The following SGCD variants were observed in gnomAD, a reference collection of about 807,000 sequenced individuals.
SGCD encodes the protein sarcoglycan delta.
SGCD carries 18 observed loss-of-function variants against 36.6 expected under a neutral mutation model. The ratio of observed to expected loss-of-function variants is 0.49; its 90% CI spans 0.34 to 0.73. The LOEUF (loss-of-function observed/expected upper bound fraction) is 0.73. Among genes scored for constraint, SGCD ranks in the 30% least tolerant of loss-of-function variants. SGCD has a pLI of 0.01. For synonymous variants in SGCD, 133 were observed against 130.6 expected (o/e 1.02, Z -0.12); for missense variants, 387 against 346.7 (o/e 1.12, Z -0.92).
intron 3 of SGCD, among the ~76,000 whole-genome samples, chr5:156,503,301 G>C (rs1320404147): frequency 2.0e-5 from 3 of 152,068 alleles, no homozygotes; most frequent in African/African-American, 7.2e-5. Flanking sequence ...TACACACAGT[G>C]GGCTCTCCAA....
At chr5:155,757,159 G>A in the SGCD span, among the ~76,000 whole-genome samples, 1 of 152,174 alleles carries the variant, frequency 6.6e-6, no homozygotes, top group African/African-American at 2.4e-5. Flanking sequence ...GCTCGTCTTG[G>A]AAACTTGCAT....
At chr5:156,735,129 T>C (rs1756284413) in intron 7 of SGCD, among the ~76,000 whole-genome samples, 1 of 152,220 alleles carries the variant, frequency 6.6e-6, no homozygotes, top group Admixed American at 6.5e-5. Context: ...CCTGGAGGTA[T>C]CACCAGTGAA....
the SGCD span, among the ~76,000 whole-genome samples, chr5:155,733,400 A>G: frequency 9.2e-5 from 14 of 152,200 alleles, 1 homozygote; most frequent in Non-Finnish European, 1.8e-4. Context: ...GGTACCAGAC[A>G]TCTTGTCCAG....
At chr5:155,769,854 G>T in the SGCD span, among the ~76,000 whole-genome samples, 1 of 151,974 alleles carries the variant, frequency 6.6e-6, no homozygotes, top group Non-Finnish European at 1.5e-5. Flanking sequence ...CTTTTTGTTA[G>T]CCCTCAAGAG....
intron 1 of SGCD, among the ~76,000 whole-genome samples, chr5:156,087,401 G>C (rs901400776): frequency 2.0e-5 from 3 of 152,082 alleles, no homozygotes; most frequent in Non-Finnish European, 4.4e-5. Flanking sequence ...CACTTTGGGA[G>C]GCTGAGGCGG....
At chr5:156,357,552 C>T (rs770837668) in intron 3 of SGCD, among the ~76,000 whole-genome samples, 3 of 152,062 alleles carry the variant, frequency 2.0e-5, no homozygotes, top group South Asian at 2.1e-4. Flanking sequence ...TCGACTCAAG[C>T]GGTTTTATTC....
intron 3 of SGCD, among the ~76,000 whole-genome samples, chr5:156,134,259 G>A (rs1762400024): frequency 6.6e-6 from 1 of 152,042 alleles, no homozygotes; most frequent in Admixed American, 6.5e-5. Context: ...GTCAATCTAT[G>A]CCCATCTCAT....
intron 1 of SGCD, among the ~76,000 whole-genome samples, chr5:155,983,794 T>A (rs1406759576): frequency 2.0e-5 from 3 of 152,246 alleles, no homozygotes; most frequent in Admixed American, 6.5e-5. Flanking sequence ...AGTCAAAGAA[T>A]AGCCCATGTG....
intron 6 of SGCD, among the ~76,000 whole-genome samples, chr5:156,617,019 T>C (rs1234212348): frequency 6.6e-6 from 1 of 152,238 alleles, no homozygotes; most frequent in Non-Finnish European, 1.5e-5. Flanking sequence ...CATTCTGCTG[T>C]ATTCTTCTTC....
intron 1 of SGCD, among the ~76,000 whole-genome samples, chr5:156,032,192 A>T (rs989578165): frequency 6.6e-6 from 1 of 151,968 alleles, no homozygotes; most frequent in Non-Finnish European, 1.5e-5. Context: ...CAATAAACAT[A>T]CTTCTACAAT....
intron 3 of SGCD, among the ~76,000 whole-genome samples, chr5:156,134,752 A>T (rs984786276): frequency 2.6e-5 from 4 of 151,928 alleles, no homozygotes; most frequent in African/African-American, 9.7e-5. Context: ...ATAAATGATG[A>T]GTTAATGGGT....
rs1759909897 is a variant in SGCD, at chr5:156,051,304, A to G, written c.-281-66574A>G. 1.4e-5 allele frequency among the ~76,000 whole-genome samples: 2 copies of G among 146,260 alleles called. 1 individual carries two copies. The highest frequency in any genetic ancestry group is 4.3e-4 in the South Asian group (2 of 4,646). On this transcript the variant is annotated intron_variant, in intron 1 of 9. Transcript: ENST00000517913. Reference sequence around the variant, plus strand: ...CTCAAATTTAGCTTACTAAATTTCCAAAGTGACACTGCATTTCTCTTCTTC... The same window carrying G: ...CTCAAATTTAGCTTACTAAATTTCCGAAGTGACACTGCATTTCTCTTCTTC...
intron 3 of SGCD, among the ~76,000 whole-genome samples, chr5:156,424,636 A>G (rs1219421345): frequency 6.6e-6 from 1 of 152,084 alleles, no homozygotes; most frequent in East Asian, 1.9e-4. Flanking sequence ...TTTGCTAGGT[A>G]GTATGCTAGG....
chr5:155,864,103 C>T, the SGCD span, among the ~76,000 whole-genome samples: 1 of 152,094 alleles, frequency 6.6e-6, no homozygotes, highest in Non-Finnish European at 1.5e-5. Flanking sequence ...AGACTTTCTC[C>T]TAATAGTTGA....
intron 2 of SGCD, among the ~76,000 whole-genome samples, chr5:156,336,101 G>T (rs1471093766): frequency 6.6e-6 from 1 of 152,104 alleles, no homozygotes; most frequent in Non-Finnish European, 1.5e-5. Flanking sequence ...TTCCCCTTCT[G>T]CCTGTGCCCA....
At chr5:156,079,032 A>G (rs534877621) in intron 1 of SGCD, among the ~76,000 whole-genome samples, 6 of 151,088 alleles carry the variant, frequency 4.0e-5, no homozygotes, top group South Asian at 2.1e-4. Flanking sequence ...AAAAAAAAAA[A>G]AAAAAGAAAA....
At chr5:155,919,072 C>T (rs1327123799) in intron 1 of SGCD, among the ~76,000 whole-genome samples, 1 of 152,204 alleles carries the variant, frequency 6.6e-6, no homozygotes, top group Admixed American at 6.5e-5. Context: ...AAAACGCTAG[C>T]CAGTTTGAAT....
chr5:156,534,496 T>C (rs142228785), intron 4 of SGCD, among the ~76,000 whole-genome samples: 81 of 152,346 alleles, frequency 5.3e-4, no homozygotes, highest in African/African-American at 1.7e-3. Context: ...GTATGAGTTC[T>C]GTCTGTTTAA....
chr5:156,185,238 A>G (rs1200728020), intron 3 of SGCD, among the ~76,000 whole-genome samples: 5 of 130,632 alleles, frequency 3.8e-5, no homozygotes, highest in South Asian at 2.3e-4. Flanking sequence ...TTTTTGAGAC[A>G]GAGTCTTGCT....
Sources: gnomAD v4.1 joint callset for allele counts (sites outside exome capture counted in the v4.1 genomes callset) on GRCh38, gnomAD v4.1.1 for gene constraint, MANE v1.5 for transcripts, NCBI Gene and HGNC (gene_info 2026-07-23, HGNC 2026-07-21) for gene names.